NAA11: variants seen among roughly 807,000 people sequenced by gnomAD.
The protein encoded by NAA11 is N-alpha-acetyltransferase 11.
In NAA11, 15 loss-of-function variants were observed where a neutral mutation model predicts 16.1. The observed-to-expected ratio is 0.93, with a 90% CI of 0.62 to 1.44. The LOEUF is 1.44. Ranked by LOEUF, NAA11 falls within the 40% of genes most tolerant of loss-of-function variation. NAA11 has a pLI of 0.00. For synonymous variants in NAA11, 122 were observed against 112.4 expected, an observed-to-expected ratio of 1.09 and a Z score of -0.54; for missense variants, 298 against 291.3, an observed-to-expected ratio of 1.02 and a Z score of -0.17.
the NAA11 span, among the ~76,000 whole-genome samples, chr4:79,172,860 G>T: frequency 8.5e-4 from 129 of 152,198 alleles, no homozygotes; most frequent in African/African-American, 3.0e-3. Context: ...GATTTAGAAG[G>T]GGTATTAGAG....
At chr4:79,286,050 C>G (rs116193795) in intron 2 of NAA11, among the ~76,000 whole-genome samples, 4,854 of 152,024 alleles carry the variant, frequency 0.032, 263 homozygotes, top group African/African-American at 0.1. Flanking sequence ...AGACATTAAC[C>G]TTTGTCCTCT....
chr4:79,270,117 A>G (rs1270153607), intron 2 of NAA11, among the ~76,000 whole-genome samples: 1 of 147,860 alleles, frequency 6.8e-6, no homozygotes, highest in Non-Finnish European at 1.5e-5. Context: ...CCTTGTAGTA[A>G]AGTTTGAAGT....
intron 2 of NAA11, among the ~76,000 whole-genome samples, chr4:79,246,624 A>G (rs1721841016): frequency 6.6e-6 from 1 of 152,256 alleles, no homozygotes; most frequent in Admixed American, 6.5e-5. Flanking sequence ...GATTAAATCC[A>G]TCAGTTGAAC....
chr4:79,261,938 A>G (rs1372915381), intron 2 of NAA11, among the ~76,000 whole-genome samples: 1 of 152,232 alleles, frequency 6.6e-6, no homozygotes, highest in Non-Finnish European at 1.5e-5. Flanking sequence ...ATATCCGTCT[A>G]TAATCTAGTG....
the NAA11 span, among the ~76,000 whole-genome samples, chr4:79,160,260 G>T: frequency 6.6e-6 from 1 of 152,018 alleles, no homozygotes; most frequent in African/African-American, 2.4e-5. Flanking sequence ...CCAAAGTGTT[G>T]GGATTACAGG....
At position 79,268,971 on chromosome 4, in the gene NAA11, G is replaced by A. The variant is rs1046300730; in HGVS notation, c.*122+25034C>T. ...GCGGTGTTTGGTTTTTTGTTCTTGC[G>A]ATAGTGTACTGAGAATGATGATTTC... On this transcript the variant is annotated intron_variant and NMD_transcript_variant, in intron 2 of 2. Transcript: ENST00000511542. 1.4e-4 allele frequency among the ~76,000 whole-genome samples: 17 copies of A among 120,146 alleles called. No individual in the cohort carries two copies. In the South Asian group the frequency reaches 2.1e-3, roughly 14 times the overall value. The allele number at this position is 120,146 out of a possible 152,430, so 78.8% of individuals were successfully genotyped here.
chr4:79,188,360 T>C, the NAA11 span, among the ~76,000 whole-genome samples: 5 of 151,468 alleles, frequency 3.3e-5, no homozygotes, highest in East Asian at 2.0e-4. Flanking sequence ...CCGAGGCGGG[T>C]GGATCACGAG....
At chr4:79,196,538 A>G in the NAA11 span, among the ~76,000 whole-genome samples, 1 of 151,900 alleles carries the variant, frequency 6.6e-6, no homozygotes, top group Non-Finnish European at 1.5e-5. Flanking sequence ...GACTTGTCCA[A>G]TTTACTATTT....
In NAA11 at chr4:79,325,776, A is replaced by G. The variant is rs762341131; in HGVS notation, c.102T>C (p.His34=). Residue 34 remains histidine (H), a synonymous_variant, in exon 1 of 2, where the codon CAT becomes CAC. Coordinates refer to ENST00000286794, the MANE Select transcript of NAA11 (RefSeq NM_032693.3). ...ENYQMKYYLY[H]GLSWPQLSYI... is the part of the protein sequence containing the mutation. ...AAGAAAGCTGGGGCCAGGAAAGGCC[A>G]TGATATAAATAGTATTTCATCTGGT... The G allele has an allele frequency of 1.2e-6, 2 of 1,614,220 alleles. No homozygotes were observed. The highest frequency in any genetic ancestry group is 1.7e-5 in the Admixed American group (1 of 60,030).
chr4:79,311,010 T>A (rs1413446511), intron 1 of NAA11, among the ~76,000 whole-genome samples: 1 of 150,634 alleles, frequency 6.6e-6, no homozygotes, highest in Non-Finnish European at 1.5e-5. Flanking sequence ...CCAGCGCTAT[T>A]TGACTTAAGA....
downstream of NAA11, among the ~76,000 whole-genome samples, chr4:79,312,885 T>C (rs971540887): frequency 2.0e-5 from 3 of 152,160 alleles, no homozygotes; most frequent in Admixed American, 6.5e-5. Context: ...AAATAGGAGA[T>C]TAAGTACAGT....
chr4:79,272,658 TGTCATCAG>T (rs1400226455), intron 2 of NAA11, among the ~76,000 whole-genome samples: 1 of 152,072 alleles, frequency 6.6e-6, no homozygotes, highest in African/African-American at 2.4e-5. Flanking sequence ...TCAGGAGTTA[TGTCATCAG>T]TATTATAGAG....
chr4:79,247,328 C>T (rs2109965507), intron 2 of NAA11, among the ~76,000 whole-genome samples: 1 of 152,100 alleles, frequency 6.6e-6, no homozygotes. Flanking sequence ...TTTCTTGTTA[C>T]CTTCACTACA....
chr4:79,166,466 A>G, the NAA11 span, among the ~76,000 whole-genome samples: 4 of 151,004 alleles, frequency 2.6e-5, no homozygotes, highest in Non-Finnish European at 4.4e-5. Context: ...ATCCTCCTCT[A>G]TCAGTCTCCC....
At chr4:79,200,192 G>A in the NAA11 span, among the ~76,000 whole-genome samples, 4 of 151,778 alleles carry the variant, frequency 2.6e-5, no homozygotes, top group South Asian at 2.1e-4. Context: ...AGTTCCTCCC[G>A]TTTTAAAATG....
chr4:79,289,774 G>A (rs17003707), intron 2 of NAA11, among the ~76,000 whole-genome samples: 22,911 of 152,100 alleles, frequency 0.15, 2,050 homozygotes, highest in East Asian at 0.2. Context: ...ATTTGCAACA[G>A]CAACATTTTA....
intron 2 of NAA11, among the ~76,000 whole-genome samples, chr4:79,262,203 C>G (rs950129250): frequency 1.3e-5 from 2 of 152,024 alleles, no homozygotes; most frequent in Admixed American, 6.5e-5. Context: ...CAAGAAAGAA[C>G]TAGAACTTCT....
At chr4:79,244,366 T>C (rs1721758051) in intron 2 of NAA11, among the ~76,000 whole-genome samples, 1 of 152,280 alleles carries the variant, frequency 6.6e-6, no homozygotes, top group African/African-American at 2.4e-5. Flanking sequence ...GTCTGTTAAC[T>C]GAATGAAAGA....
chr4:79,258,139 C>T (rs1722161696), intron 2 of NAA11, among the ~76,000 whole-genome samples: 1 of 152,240 alleles, frequency 6.6e-6, no homozygotes, highest in African/African-American at 2.4e-5. Flanking sequence ...CAGGAGCTCC[C>T]AGGGGTCAGC....
Sources: gnomAD v4.1 joint callset for allele counts (sites outside exome capture counted in the v4.1 genomes callset) on GRCh38, gnomAD v4.1.1 for gene constraint, MANE v1.5 for transcripts, NCBI Gene and HGNC (gene_info 2026-07-23, HGNC 2026-07-21) for gene names.